SHROOM3: variants seen among roughly 807,000 people sequenced by gnomAD.
SHROOM3 encodes the protein shroom family member 3, also known as protein Shroom3.
SHROOM3 carries 47 observed loss-of-function variants against 138.6 expected under a neutral mutation model. The ratio of observed to expected loss-of-function variants is 0.34; its 90% CI spans 0.27 to 0.43. The LOEUF is 0.43. Ranked by LOEUF, SHROOM3 falls within the 20% of genes least tolerant of loss-of-function variation. The pLI is 1.00. For missense variants in SHROOM3, 2,491 were observed against 2,596.5 expected, an observed-to-expected ratio of 0.96 and a Z score of 0.88; for synonymous variants, 1,062 against 1,063.3, an observed-to-expected ratio of 1.00 and a Z score of 0.02.
chr4:76,712,616 G>A (rs574842795), intron 3 of SHROOM3, among the ~76,000 whole-genome samples: 3 of 152,284 alleles, frequency 2.0e-5, no homozygotes, highest in South Asian at 2.1e-4. Context: ...GAACATAAGC[G>A]ACAAGCAATT....
chr4:76,587,347 T>C (rs1023673808), intron 2 of SHROOM3: 8 of 152,164 alleles, frequency 5.3e-5, no homozygotes, highest in Non-Finnish European at 1.0e-4. Context: ...TGGATTTAAA[T>C]TTTTTTCATT....
rs192389750 is a variant in SHROOM3 at position 76,659,090 on chromosome 4, G to T, written c.324-51066G>T. 5.7e-4 allele frequency among the ~76,000 whole-genome samples: 86 copies of T among 150,742 alleles called. 1 individual carries two copies. Among genetic ancestry groups the T allele is most frequent in the Middle Eastern group, 3.5e-3 (1 of 288 alleles). ...CATTCAGATCCCATTCTTCCTTCTC[G>T]GTTGGTCCTCTAGCATGAAAAGCTT... On this transcript the variant is annotated intron_variant, in intron 2 of 10. Coordinates refer to ENST00000296043, the MANE Select transcript of SHROOM3 (RefSeq NM_020859.4).
chr4:76,519,560 T>A (rs951070106), intron 1 of SHROOM3, among the ~76,000 whole-genome samples: 2 of 152,156 alleles, frequency 1.3e-5, no homozygotes, highest in African/African-American at 4.8e-5. Flanking sequence ...AGAACAAACA[T>A]CTTTTCCTTT....
At chr4:76,593,231 T>A (rs982633784) in intron 2 of SHROOM3, among the ~76,000 whole-genome samples, 7 of 152,214 alleles carry the variant, frequency 4.6e-5, no homozygotes, top group East Asian at 3.9e-4. Context: ...CCTTCATCAC[T>A]GGAAATGCTT....
intron 9 of SHROOM3, among the ~76,000 whole-genome samples, chr4:76,770,324 C>CAAAA (rs529468839): frequency 1.4e-4 from 5 of 36,100 alleles, no homozygotes; most frequent in African/African-American, 3.5e-4. Context: ...AACTCTGTCT[C>CAAAA]AAAAAAAAAA....
chr4:76,454,948 T>C (rs1264499720), intron 1 of SHROOM3, among the ~76,000 whole-genome samples: 1 of 152,180 alleles, frequency 6.6e-6, no homozygotes, highest in East Asian at 1.9e-4. Context: ...CTTTTTTGAA[T>C]TGTTCATTGT....
At chr4:76,720,465 A>C (rs369425163) in intron 3 of SHROOM3, among the ~76,000 whole-genome samples, 5 of 152,238 alleles carry the variant, frequency 3.3e-5, no homozygotes, top group Admixed American at 3.3e-4. Flanking sequence ...ACTTGGTCCC[A>C]GTTTTCCATT....
At chr4:76,711,576 C>T (rs547157394) in intron 3 of SHROOM3, among the ~76,000 whole-genome samples, 1 of 152,030 alleles carries the variant, frequency 6.6e-6, no homozygotes, top group Non-Finnish European at 1.5e-5. Context: ...ACCTGTGGTC[C>T]CAAGTACTCT....
intron 2 of SHROOM3, among the ~76,000 whole-genome samples, chr4:76,624,427 C>T (rs1207918536): frequency 6.6e-6 from 1 of 152,144 alleles, no homozygotes; most frequent in Non-Finnish European, 1.5e-5. Context: ...CCCGTGGTGA[C>T]TTCATTCTTG....
chr4:76,528,742 T>C (rs1056442661), intron 1 of SHROOM3, among the ~76,000 whole-genome samples: 1 of 152,082 alleles, frequency 6.6e-6, no homozygotes, highest in Non-Finnish European at 1.5e-5. Flanking sequence ...TTAGTAGAGA[T>C]GGGGTTTCAC....
Position 76,780,040 on chromosome 4 carries a change from TAGG to T in SHROOM3, c.*871_*873del, listed in dbSNP as rs1382090611. 1 of 152,114 alleles carries T rather than the reference TAGG, an allele frequency of 6.6e-6. No homozygotes were observed. Among genetic ancestry groups the T allele is most frequent in the Non-Finnish European group, 1.5e-5 (1 of 68,024 alleles). 9.4% of individuals were successfully genotyped at this position (152,114 alleles called of 1,614,324 possible). ...AAAGACAACTCTCAGACCTATATAATAGGAGGAGGACGTCCAGAATCCAACAAA... is the reference window on the plus strand; with the variant it reads ...AAAGACAACTCTCAGACCTATATAATAGGAGGACGTCCAGAATCCAACAAA... On this transcript the variant is annotated 3_prime_UTR_variant, in exon 11 of 11. Coordinates refer to ENST00000296043, the MANE Select transcript of SHROOM3 (RefSeq NM_020859.4).
chr4:76,508,387 A>G (rs1732259233), intron 1 of SHROOM3, among the ~76,000 whole-genome samples: 1 of 152,036 alleles, frequency 6.6e-6, no homozygotes, highest in Non-Finnish European at 1.5e-5. Context: ...TTATTTCTGA[A>G]CTCACAATTC....
intron 2 of SHROOM3, among the ~76,000 whole-genome samples, chr4:76,618,855 T>G (rs1423953833): frequency 1.3e-5 from 2 of 152,204 alleles, no homozygotes; most frequent in Non-Finnish European, 2.9e-5. Context: ...AGGCCTGGTA[T>G]TGTATTTAGT....
intron 2 of SHROOM3, among the ~76,000 whole-genome samples, chr4:76,579,104 C>G (rs1354768081): frequency 6.6e-6 from 1 of 152,042 alleles, no homozygotes; most frequent in Non-Finnish European, 1.5e-5. Context: ...CGCTTGAGCC[C>G]GGGAGGTCAA....
At chr4:76,698,347 A>G (rs1719806696) in intron 2 of SHROOM3, among the ~76,000 whole-genome samples, 1 of 152,246 alleles carries the variant, frequency 6.6e-6, no homozygotes, top group Non-Finnish European at 1.5e-5. Context: ...CCTCCCTCAC[A>G]AACAAGGCAG....
chr4:76,767,238 G>A (rs910420231), intron 9 of SHROOM3, among the ~76,000 whole-genome samples: 8 of 152,142 alleles, frequency 5.3e-5, no homozygotes, highest in East Asian at 1.9e-4. Context: ...CTTAGGTGCC[G>A]GAGAGAGCTG....
chr4:76,502,715 A>G (rs895293877), intron 1 of SHROOM3, among the ~76,000 whole-genome samples: 5 of 152,206 alleles, frequency 3.3e-5, no homozygotes, highest in African/African-American at 1.2e-4. Context: ...GTTTGCTGCT[A>G]CAATATCATA....
At chr4:76,567,788 G>T (rs920847115) in intron 2 of SHROOM3, among the ~76,000 whole-genome samples, 1 of 152,102 alleles carries the variant, frequency 6.6e-6, no homozygotes, top group African/African-American at 2.4e-5. Context: ...ATCTTTCATG[G>T]AATTTTCTCA....
At chr4:76,470,395 C>T (rs1731345447) in intron 1 of SHROOM3, among the ~76,000 whole-genome samples, 1 of 152,128 alleles carries the variant, frequency 6.6e-6, no homozygotes, top group African/African-American at 2.4e-5. Flanking sequence ...AAGCTACTGT[C>T]AAAACTAAAA....
Sources: gnomAD v4.1 joint callset for allele counts (sites outside exome capture counted in the v4.1 genomes callset) on GRCh38, gnomAD v4.1.1 for gene constraint, MANE v1.5 for transcripts, NCBI Gene and HGNC (gene_info 2026-07-23, HGNC 2026-07-21) for gene names.